Variants in CTNNA2 observed in about 807,000 individuals in gnomAD.
CTNNA2 encodes catenin alpha 2, also known as catenin alpha-2.
A neutral mutation model predicts 101.0 loss-of-function variants in CTNNA2; 42 were observed. The observed-to-expected ratio is 0.42, with a 90% CI of 0.32 to 0.54. The LOEUF is 0.54. Among genes scored for constraint, CTNNA2 ranks in the 20% least tolerant of loss-of-function variants. The pLI, the probability that CTNNA2 is intolerant of heterozygous loss-of-function variation, is 0.14. For missense variants in CTNNA2, 871 were observed against 1,223.1 expected (o/e 0.71, Z 4.29); for synonymous variants, 450 against 456.4 (o/e 0.99, Z 0.18).
chr2:79,444,026 A>G (rs1678804925), intron 4 of CTNNA2, among the ~76,000 whole-genome samples: 1 of 151,906 alleles, frequency 6.6e-6, no homozygotes, highest in Non-Finnish European at 1.5e-5. Context: ...CCAGTGAAGA[A>G]CTGAGGTTCT....
At chr2:79,761,692 A>C (rs1672798954) in intron 3 of CTNNA2, among the ~76,000 whole-genome samples, 1 of 152,206 alleles carries the variant, frequency 6.6e-6, no homozygotes, top group African/African-American at 2.4e-5. Context: ...AAAAGGATTA[A>C]ATATTTACAT....
At chr2:79,392,048 C>T (rs1302660002) in intron 4 of CTNNA2, among the ~76,000 whole-genome samples, 1 of 152,152 alleles carries the variant, frequency 6.6e-6, no homozygotes, top group Non-Finnish European at 1.5e-5. Context: ...CCCTCATGAC[C>T]TCATTTAACT....
intron 7 of CTNNA2, among the ~76,000 whole-genome samples, chr2:80,074,658 C>T (rs1438063317): frequency 6.6e-6 from 1 of 152,130 alleles, no homozygotes; most frequent in African/African-American, 2.4e-5. Context: ...CCTCAGTGAC[C>T]ATTTGTGTAT....
At chr2:79,611,453 A>G (rs10206027) in intron 1 of CTNNA2, among the ~76,000 whole-genome samples, 2,031 of 152,280 alleles carry the variant, frequency 0.013, 76 homozygotes, top group East Asian at 0.12. Flanking sequence ...TCCCGCCTTC[A>G]AGGGGTCTCT....
intron 2 of CTNNA2, among the ~76,000 whole-genome samples, chr2:79,738,903 A>G (rs2104959880): frequency 6.6e-6 from 1 of 152,288 alleles, no homozygotes; most frequent in Non-Finnish European, 1.5e-5. Context: ...AGCCTTGCAA[A>G]GTTTTGTTCC....
intron 8 of CTNNA2, among the ~76,000 whole-genome samples, chr2:80,397,790 C>G: frequency 6.6e-6 from 1 of 152,168 alleles, no homozygotes; most frequent in East Asian, 1.9e-4. Flanking sequence ...CGTATGGAAG[C>G]TGCAGCCAGG....
At chr2:79,895,628 A>G (rs1244123016) in intron 6 of CTNNA2, among the ~76,000 whole-genome samples, 1 of 151,962 alleles carries the variant, frequency 6.6e-6, no homozygotes, top group Non-Finnish European at 1.5e-5. Context: ...AAAAAAATTC[A>G]ACCATTGATC....
At chr2:79,269,043 C>A (rs563376406) in intron 2 of CTNNA2, among the ~76,000 whole-genome samples, 1 of 152,026 alleles carries the variant, frequency 6.6e-6, no homozygotes, top group African/African-American at 2.4e-5. Context: ...GGGGCCAGAT[C>A]GTTACCAAGG....
chr2:79,629,482 C>G (rs1679544268), intron 1 of CTNNA2, among the ~76,000 whole-genome samples: 1 of 152,042 alleles, frequency 6.6e-6, no homozygotes, highest in African/African-American at 2.4e-5. Flanking sequence ...CATCGTGGTC[C>G]CAAACACTGC....
intron 7 of CTNNA2, among the ~76,000 whole-genome samples, chr2:80,367,066 T>G: frequency 6.6e-6 from 1 of 151,424 alleles, no homozygotes; most frequent in East Asian, 1.9e-4. Flanking sequence ...CAGATACACA[T>G]GTATCTCAAA....
At chr2:80,045,111 G>A (rs577384303) in intron 7 of CTNNA2, among the ~76,000 whole-genome samples, 25 of 152,304 alleles carry the variant, frequency 1.6e-4, no homozygotes, top group African/African-American at 5.8e-4. Context: ...AGAAATGGTG[G>A]ATGGCTTTCC....
chr2:80,077,329 T>A (rs1698825846), intron 7 of CTNNA2, among the ~76,000 whole-genome samples: 2 of 152,174 alleles, frequency 1.3e-5, no homozygotes, highest in African/African-American at 4.8e-5. Context: ...TTAATTGTTG[T>A]GGCACCTTTA....
intron 7 of CTNNA2, among the ~76,000 whole-genome samples, chr2:80,019,999 G>A (rs1694441982): frequency 6.6e-6 from 1 of 151,968 alleles, no homozygotes; most frequent in South Asian, 2.1e-4. Flanking sequence ...TAGGTCATGG[G>A]TCACGCACTG....
intron 1 of CTNNA2, among the ~76,000 whole-genome samples, chr2:79,646,474 G>A (rs7584601): frequency 0.13 from 19,524 of 151,038 alleles, 1,600 homozygotes; most frequent in East Asian, 0.36. Context: ...TACCAGGTGG[G>A]CTGTATTATT....
At chr2:79,256,603 G>T (rs540828062) in intron 2 of CTNNA2, among the ~76,000 whole-genome samples, 110 of 152,282 alleles carry the variant, frequency 7.2e-4, no homozygotes, top group African/African-American at 2.5e-3. Flanking sequence ...TGACCCATTT[G>T]ATCTGAAAGT....
chr2:79,404,538 G>A (rs567574621), intron 4 of CTNNA2, among the ~76,000 whole-genome samples: 1 of 152,112 alleles, frequency 6.6e-6, no homozygotes, highest in Admixed American at 6.6e-5. Flanking sequence ...CTGCCAGGTA[G>A]GCACTATTTG....
At chr2:79,581,173 A>G (rs1194893973) in intron 1 of CTNNA2, among the ~76,000 whole-genome samples, 2 of 152,326 alleles carry the variant, frequency 1.3e-5, no homozygotes, top group East Asian at 1.9e-4. Context: ...GAAGGATCAA[A>G]TATATGGTCC....
At chr2:79,392,814 A>T (rs1313408036) in intron 4 of CTNNA2, among the ~76,000 whole-genome samples, 2 of 152,140 alleles carry the variant, frequency 1.3e-5, no homozygotes, top group Non-Finnish European at 2.9e-5. Context: ...ATGCAGTAGG[A>T]CCTTATTTTT....
At chr2:79,314,703 C>G (rs1676457845) in intron 3 of CTNNA2, among the ~76,000 whole-genome samples, 1 of 152,050 alleles carries the variant, frequency 6.6e-6, no homozygotes, top group African/African-American at 2.4e-5. Flanking sequence ...TCCTTGGGGC[C>G]CCATTTTGGC....
Sources: allele counts gnomAD v4.1 joint callset (sites outside exome capture counted in the v4.1 genomes callset), GRCh38; gene constraint gnomAD v4.1.1; transcripts MANE v1.5; gene names NCBI Gene and HGNC (gene_info 2026-07-23, HGNC 2026-07-21).